ITGA8: variants seen among roughly 807,000 people sequenced by gnomAD.
ITGA8 encodes integrin subunit alpha 8.
In ITGA8, 91 loss-of-function variants were observed where a neutral mutation model predicts 142.3. The observed-to-expected ratio is 0.64, with a 90% CI of 0.54 to 0.76. ITGA8 has a LOEUF of 0.76. ITGA8 is among the 30% of genes least tolerant of loss of function. The probability of loss-of-function intolerance (pLI) is 0.00; values close to 1 mark genes in which losing one functional copy is unlikely to be tolerated. For synonymous variants in ITGA8, 505 were observed against 485.2 expected, an observed-to-expected ratio of 1.04 and a Z score of -0.54; for missense variants, 1,406 against 1,327.7, an observed-to-expected ratio of 1.06 and a Z score of -0.92.
intron 6 of ITGA8, among the ~76,000 whole-genome samples, chr10:15,675,620 A>C (rs994493355): frequency 6.6e-6 from 1 of 152,180 alleles, no homozygotes; most frequent in East Asian, 1.9e-4. Flanking sequence ...CCAACTTTCA[A>C]TCTATTTTCT....
At chr10:15,575,192 T>A (rs1834261463) in intron 24 of ITGA8, among the ~76,000 whole-genome samples, 1 of 151,970 alleles carries the variant, frequency 6.6e-6, no homozygotes, top group South Asian at 2.1e-4. Flanking sequence ...AGCTTGAGAC[T>A]AGCCTGGGCA....
chr10:15,713,225 G>A (rs959243250), intron 2 of ITGA8, among the ~76,000 whole-genome samples: 1 of 152,174 alleles, frequency 6.6e-6, no homozygotes, highest in African/African-American at 2.4e-5. Context: ...ATCATGAATT[G>A]CTTCTAGAAT....
chr10:15,585,517 C>T (rs1023499823), intron 23 of ITGA8, among the ~76,000 whole-genome samples: 1 of 152,220 alleles, frequency 6.6e-6, no homozygotes, highest in Non-Finnish European at 1.5e-5. Context: ...CAGCTGTCAT[C>T]ATCGAAGCTT....
intron 13 of ITGA8, among the ~76,000 whole-genome samples, chr10:15,632,716 T>C (rs1833705464): frequency 1.3e-5 from 2 of 152,098 alleles, no homozygotes; most frequent in Non-Finnish European, 2.9e-5. Flanking sequence ...TGGTAAGTGG[T>C]ACAAATCTGG....
intron 28 of ITGA8, among the ~76,000 whole-genome samples, chr10:15,522,420 T>C (rs1342981456): frequency 6.6e-6 from 1 of 152,186 alleles, no homozygotes. Context: ...AACATAATAT[T>C]GCTGGAAGTG....
chr10:15,548,040 A>G (rs1437793030), intron 27 of ITGA8, among the ~76,000 whole-genome samples: 1 of 152,036 alleles, frequency 6.6e-6, no homozygotes, highest in Non-Finnish European at 1.5e-5. Context: ...TTTAAATTTG[A>G]AACTTTTACA....
chr10:15,538,640 A>T (rs1478939719), intron 27 of ITGA8, among the ~76,000 whole-genome samples: 3 of 152,032 alleles, frequency 2.0e-5, no homozygotes, highest in African/African-American at 7.2e-5. Context: ...CTAAAACTTA[A>T]AGTATAATAA....
intron 13 of ITGA8, among the ~76,000 whole-genome samples, chr10:15,641,773 A>G (rs1243303463): frequency 6.6e-6 from 1 of 152,168 alleles, no homozygotes; most frequent in East Asian, 1.9e-4. Context: ...AGACTCAGCA[A>G]AGTTGTTGAC....
intron 20 of ITGA8, 65 bp downstream of exon 20, chr10:15,604,143 C>G: frequency 2.1e-6 from 3 of 1,458,654 alleles, no homozygotes; most frequent in Non-Finnish European, 2.8e-6. Flanking sequence ...GATGGCCCTT[C>G]TTAACATTTA....
At chr10:15,685,871 T>C (rs532947760) in intron 3 of ITGA8, among the ~76,000 whole-genome samples, 1 of 151,464 alleles carries the variant, frequency 6.6e-6, no homozygotes, top group Admixed American at 6.5e-5. Context: ...TGTATGGAAA[T>C]CTTCTTCAAG....
At chr10:15,562,596 C>A (rs7916715) in intron 25 of ITGA8, among the ~76,000 whole-genome samples, 1 of 151,990 alleles carries the variant, frequency 6.6e-6, no homozygotes, top group South Asian at 2.1e-4. Flanking sequence ...GAAAAATTTT[C>A]TTGAAGAGAA....
chr10:15,517,039 C>T lies in ITGA8; in HGVS notation c.*119G>A, dbSNP rs946116406. 32 of 518,410 alleles carry T rather than the reference C, an allele frequency of 6.2e-5. No individual in the cohort carries two copies. The highest frequency in any genetic ancestry group is 2.3e-4 in the South Asian group (6 of 26,262). The allele number at this position is 518,410 out of a possible 1,614,324, so 32.1% of individuals were successfully genotyped here. ...AGATGAGGTGATGTTTCCAGGGTCC[C>T]CTCCATTTCCTGGGTCACTGTCAGG... On this transcript the variant is annotated 3_prime_UTR_variant, in exon 30 of 30. Coordinates refer to ENST00000378076, the MANE Select transcript of ITGA8 (RefSeq NM_003638.3).
chr10:15,572,243 G>A lies in ITGA8; in HGVS notation c.2605C>T (p.Pro869Ser). Residue 869 changes from proline to serine, a missense_variant, in exon 25 of 30, where the codon CCA becomes TCA. Coordinates refer to ENST00000378076, the MANE Select transcript of ITGA8 (RefSeq NM_003638.3). ...IQTLGPLQCQ[P>S]NPNINPQDIK... ...TCCTGTGGATTGATATTAGGATTTG[G>A]TTGGCACTGCAGAGGTCCCAGAGTT... 3 of 1,613,856 alleles carry A rather than the reference G, an allele frequency of 1.9e-6. No individual in the cohort carries two copies. Among genetic ancestry groups the A allele is most frequent in the South Asian group, 2.2e-5 (2 of 91,044 alleles).
chr10:15,541,699 C>T (rs996380892), intron 27 of ITGA8, among the ~76,000 whole-genome samples: 2 of 152,144 alleles, frequency 1.3e-5, no homozygotes, highest in African/African-American at 4.8e-5. Flanking sequence ...AAACATTCCT[C>T]CTGCTCTTGA....
chr10:15,618,201 A>G (rs1214495199), intron 13 of ITGA8, among the ~76,000 whole-genome samples: 1 of 151,660 alleles, frequency 6.6e-6, no homozygotes, highest in Non-Finnish European at 1.5e-5. Context: ...TGACAAACAT[A>G]CACACGTATC....
chr10:15,704,134 C>T (rs2131729973), intron 2 of ITGA8, among the ~76,000 whole-genome samples: 2 of 152,306 alleles, frequency 1.3e-5, no homozygotes, highest in South Asian at 4.1e-4. Context: ...CTTGTTGATG[C>T]TTCCTTTTGT....
intron 27 of ITGA8, among the ~76,000 whole-genome samples, chr10:15,533,168 T>A (rs1833347230): frequency 1.3e-5 from 2 of 152,236 alleles, no homozygotes; most frequent in African/African-American, 4.8e-5. Flanking sequence ...TTTTCCCCTG[T>A]GGCAGAATTT....
At chr10:15,716,378 C>A (rs1835451830) in intron 2 of ITGA8, among the ~76,000 whole-genome samples, 1 of 152,172 alleles carries the variant, frequency 6.6e-6, no homozygotes, top group African/African-American at 2.4e-5. Flanking sequence ...ATCTCTAAAG[C>A]CCTTTGAGAT....
At chr10:15,650,489 T>G (rs1834065213) in intron 11 of ITGA8, among the ~76,000 whole-genome samples, 1 of 152,194 alleles carries the variant, frequency 6.6e-6, no homozygotes, top group African/African-American at 2.4e-5. Flanking sequence ...GCTGGAATGT[T>G]CTTGCCCCCC....
Sources: allele counts gnomAD v4.1 joint callset (sites outside exome capture counted in the v4.1 genomes callset), GRCh38; gene constraint gnomAD v4.1.1; transcripts MANE v1.5; gene names NCBI Gene and HGNC (gene_info 2026-07-23, HGNC 2026-07-21).